The following SCAPER variants were observed in gnomAD, a reference collection of about 807,000 sequenced individuals.
SCAPER encodes S phase cyclin A-associated protein in the endoplasmic reticulum.
SCAPER carries 98 observed loss-of-function variants against 182.2 expected under a neutral mutation model. The ratio of observed to expected loss-of-function variants is 0.54; its 90% CI spans 0.46 to 0.64. SCAPER has a LOEUF of 0.64. SCAPER is among the 30% of genes least tolerant of loss of function. The pLI is 0.00. For synonymous variants in SCAPER, 605 were observed against 564.6 expected, an observed-to-expected ratio of 1.07 and a Z score of -1.01; for missense variants, 1,432 against 1,690.0, an observed-to-expected ratio of 0.85 and a Z score of 2.68.
intron 20 of SCAPER, among the ~76,000 whole-genome samples, chr15:76,688,901 T>C (rs1279344115): frequency 7.2e-6 from 1 of 139,434 alleles, no homozygotes; most frequent in Non-Finnish European, 1.5e-5. Flanking sequence ...CAGGCTGGAG[T>C]GCCCTGGCAC....
At chr15:76,482,755 CA>C (rs34570671) in intron 24 of SCAPER, among the ~76,000 whole-genome samples, 109,244 of 152,042 alleles carry the variant, frequency 0.72, 39,775 homozygotes, top group African/African-American at 0.79. Context: ...AAATTAGCAC[CA>C]AAAAAAAGAG....
intron 27 of SCAPER, among the ~76,000 whole-genome samples, chr15:76,387,217 T>G (rs537217434): frequency 3.1e-3 from 476 of 152,240 alleles, no homozygotes; most frequent in African/African-American, 0.011. Flanking sequence ...TTTACAGAAA[T>G]GGGGAAGAAA....
rs757004071 is a variant in SCAPER at position 76,504,980 on chromosome 15, C to T, written c.2839-6G>A. 4.4e-6 allele frequency: 7 copies of T among 1,608,244 alleles called. No homozygotes were observed. Among genetic ancestry groups the T allele is most frequent in the Admixed American group, 1.7e-5 (1 of 59,144 alleles). On this transcript the variant is annotated splice_region_variant and splice_polypyrimidine_tract_variant and intron_variant, in intron 23 of 31. Coordinates refer to ENST00000563290, the MANE Select transcript of SCAPER (RefSeq NM_020843.4). ...GCAATCTGATCTGCCACATTCTAGA[C>T]AGAAATACAAACAGAAGTTAGCCCA... is the stretch of plus-strand genomic sequence containing the variant.
chr15:76,731,608 C>G (rs976097257), intron 16 of SCAPER, among the ~76,000 whole-genome samples: 1 of 152,180 alleles, frequency 6.6e-6, no homozygotes, highest in African/African-American at 2.4e-5. Context: ...AGTGCCTGTA[C>G]AGCAAGTAAT....
At chr15:76,394,128 G>A (rs1221291763) in intron 27 of SCAPER, among the ~76,000 whole-genome samples, 2 of 152,214 alleles carry the variant, frequency 1.3e-5, no homozygotes, top group Non-Finnish European at 2.9e-5. Context: ...ATGAGGTACC[G>A]TGAGACCAGG....
chr15:76,667,052 T>C (rs1380233691), intron 20 of SCAPER, among the ~76,000 whole-genome samples: 1 of 152,222 alleles, frequency 6.6e-6, no homozygotes, highest in Non-Finnish European at 1.5e-5. Flanking sequence ...TACTATCCTT[T>C]TGTACCAAAA....
chr15:76,900,202 C>T (rs1298073435), intron 1 of SCAPER, among the ~76,000 whole-genome samples: 1 of 151,894 alleles, frequency 6.6e-6, no homozygotes. Flanking sequence ...CAAACAGGGC[C>T]GAAGGCCGCA....
chr15:76,710,585 C>T (rs1446664799), intron 17 of SCAPER, among the ~76,000 whole-genome samples: 2 of 152,054 alleles, frequency 1.3e-5, no homozygotes, highest in East Asian at 1.9e-4. Context: ...AACTGCAAGA[C>T]CTATACGCAA....
intron 17 of SCAPER, among the ~76,000 whole-genome samples, chr15:76,708,132 C>G (rs1044931862): frequency 6.6e-6 from 1 of 152,126 alleles, no homozygotes; most frequent in African/African-American, 2.4e-5. Context: ...AGTATTTGCA[C>G]AAAAGCTATG....
intron 29 of SCAPER, among the ~76,000 whole-genome samples, chr15:76,370,291 A>ATTTTTTTTTTTTTT (rs10524497): frequency 9.2e-5 from 11 of 119,402 alleles, no homozygotes; most frequent in Non-Finnish European, 1.3e-4. Context: ...TACCATTTCA[A>ATTTTTTTTTTTTTT]TTTTTTTTTT....
chr15:76,650,643 A>G (rs1251753328), intron 21 of SCAPER, among the ~76,000 whole-genome samples: 1 of 152,162 alleles, frequency 6.6e-6, no homozygotes, highest in Non-Finnish European at 1.5e-5. Flanking sequence ...CAGATAGAAC[A>G]TTACAGAATA....
intron 23 of SCAPER, among the ~76,000 whole-genome samples, chr15:76,507,528 A>C (rs2041690168): frequency 6.6e-6 from 1 of 152,178 alleles, no homozygotes; most frequent in South Asian, 2.1e-4. Flanking sequence ...TTTTTTGAAA[A>C]GGGAGTAGGG....
At chr15:76,726,329 C>T (rs970219459) in intron 17 of SCAPER, among the ~76,000 whole-genome samples, 1 of 150,852 alleles carries the variant, frequency 6.6e-6, no homozygotes, top group Non-Finnish European at 1.5e-5. Context: ...TGCCACTTCA[C>T]ACTCTTCAAT....
At chr15:76,557,827 C>G (rs977732967) in intron 23 of SCAPER, among the ~76,000 whole-genome samples, 2 of 152,100 alleles carry the variant, frequency 1.3e-5, no homozygotes, top group Admixed American at 6.6e-5. Context: ...ATAGAATAGA[C>G]AGCCCAGAAA....
At chr15:76,741,215 T>G (rs566229048) in intron 15 of SCAPER, among the ~76,000 whole-genome samples, 1 of 152,262 alleles carries the variant, frequency 6.6e-6, no homozygotes, top group African/African-American at 2.4e-5. Flanking sequence ...GCAATCTGAA[T>G]ATAATAATAG....
At position 76,364,351 on chromosome 15, in the gene SCAPER, G is replaced by C. The variant is rs2041664635; in HGVS notation, c.3856-10211C>G. Among the ~76,000 whole-genome samples the C allele has an allele frequency of 1.3e-5, 2 of 152,178 alleles. 1 individual carries two copies. Among genetic ancestry groups the C allele is most frequent in the South Asian group, 4.1e-4 (2 of 4,828 alleles). Reference sequence around the variant, plus strand: ...GCACCAGCAAAGTGTCAAGGACGAGGAGGGATGAGAGAGAAGGAAGAAGGG... The same window carrying C: ...GCACCAGCAAAGTGTCAAGGACGAGCAGGGATGAGAGAGAAGGAAGAAGGG... On this transcript the variant is annotated intron_variant, in intron 29 of 31. Coordinates refer to ENST00000563290, the MANE Select transcript of SCAPER (RefSeq NM_020843.4).
At chr15:76,515,635 C>T (rs2042359861) in intron 23 of SCAPER, among the ~76,000 whole-genome samples, 1 of 152,170 alleles carries the variant, frequency 6.6e-6, no homozygotes, top group Non-Finnish European at 1.5e-5. Flanking sequence ...TTTCTATTTT[C>T]TCTCCATCAT....
chr15:76,720,328 T>C (rs572978325), intron 17 of SCAPER, among the ~76,000 whole-genome samples: 32 of 152,188 alleles, frequency 2.1e-4, no homozygotes, highest in African/African-American at 7.5e-4. Flanking sequence ...CAGTCTATCA[T>C]TGTTGGACAT....
At position 76,748,630 on chromosome 15, in the gene SCAPER, A is replaced by G. The variant is rs1215403712; in HGVS notation, c.1866+5178T>C. ...AAGGATCTAGTATCCAGAACATACAAGGAACTCGTATAACTGAACAACAAA... is the reference window on the plus strand; with the variant it reads ...AAGGATCTAGTATCCAGAACATACAGGGAACTCGTATAACTGAACAACAAA... On this transcript the variant is annotated intron_variant, in intron 15 of 31. Coordinates refer to ENST00000563290, the MANE Select transcript of SCAPER (RefSeq NM_020843.4). Among the ~76,000 whole-genome samples the G allele has an allele frequency of 3.3e-5, 5 of 151,630 alleles. No homozygotes were observed. In the East Asian group the frequency reaches 9.7e-4, roughly 29 times the overall value.
Sources: gnomAD v4.1 joint callset for allele counts (sites outside exome capture counted in the v4.1 genomes callset) on GRCh38, gnomAD v4.1.1 for gene constraint, MANE v1.5 for transcripts, NCBI Gene and HGNC (gene_info 2026-07-23, HGNC 2026-07-21) for gene names.